Variants in KCNQ3 observed in about 807,000 individuals in gnomAD.
KCNQ3 encodes potassium voltage-gated channel subfamily KQT member 3.
A neutral mutation model predicts 92.5 loss-of-function variants in KCNQ3; 30 were observed. That is an observed-to-expected ratio of 0.32 (90% CI 0.24 to 0.44). KCNQ3 has a LOEUF of 0.44. Ranked by LOEUF, KCNQ3 falls within the 20% of genes least tolerant of loss-of-function variation. The pLI, the probability that KCNQ3 is intolerant of heterozygous loss-of-function variation, is 1.00. For synonymous variants in KCNQ3, 450 were observed against 468.8 expected (o/e 0.96, Z 0.52); for missense variants, 913 against 1,140.3 (o/e 0.80, Z 2.87).
chr8:132,354,683 C>G (rs1168798579), intron 1 of KCNQ3, among the ~76,000 whole-genome samples: 1 of 152,232 alleles, frequency 6.6e-6, no homozygotes, highest in Non-Finnish European at 1.5e-5. Flanking sequence ...GTTATTGCCT[C>G]TAAGATGTTC....
At chr8:132,225,377 G>T (rs980734720) in intron 1 of KCNQ3, among the ~76,000 whole-genome samples, 2 of 152,182 alleles carry the variant, frequency 1.3e-5, no homozygotes, top group Admixed American at 1.3e-4. Context: ...GTGAGAAGGA[G>T]ATTGTGGCTG....
intron 8 of KCNQ3, among the ~76,000 whole-genome samples, chr8:132,164,863 C>T (rs903613654): frequency 1.8e-4 from 27 of 152,096 alleles, no homozygotes; most frequent in African/African-American, 6.3e-4. Flanking sequence ...CCACCTTCCT[C>T]CCAGCTGATG....
chr8:132,313,437 A>G (rs1817652584), intron 1 of KCNQ3, among the ~76,000 whole-genome samples: 1 of 152,214 alleles, frequency 6.6e-6, no homozygotes, highest in Non-Finnish European at 1.5e-5. Context: ...ATGTTACCAT[A>G]TGGATTGTGG....
chr8:132,439,118 A>AT (rs1378489258), intron 1 of KCNQ3, among the ~76,000 whole-genome samples: 2 of 150,792 alleles, frequency 1.3e-5, no homozygotes, highest in East Asian at 3.9e-4. Context: ...TGCCGAACCA[A>AT]TTTTTTCATC....
chr8:132,300,260 G>T (rs1817174185), intron 1 of KCNQ3, among the ~76,000 whole-genome samples: 1 of 152,100 alleles, frequency 6.6e-6, no homozygotes, highest in African/African-American at 2.4e-5. Context: ...TTTCCCTCCT[G>T]CAAGGGAAAG....
chr8:132,217,857 C>G (rs1814093305), intron 1 of KCNQ3, among the ~76,000 whole-genome samples: 1 of 152,064 alleles, frequency 6.6e-6, no homozygotes. Context: ...CTGGCCAGGC[C>G]TACTTCAATA....
At chr8:132,278,465 A>T (rs1204776639) in intron 1 of KCNQ3, among the ~76,000 whole-genome samples, 1 of 152,176 alleles carries the variant, frequency 6.6e-6, no homozygotes, top group African/African-American at 2.4e-5. Context: ...GGGCAGTAAG[A>T]CCAACTCTCA....
intron 1 of KCNQ3, among the ~76,000 whole-genome samples, chr8:132,308,795 G>A (rs1007184280): frequency 7.2e-5 from 11 of 152,196 alleles, no homozygotes; most frequent in Non-Finnish European, 1.5e-4. Context: ...GAGATACTGA[G>A]GATCAGAGGG....
intron 1 of KCNQ3, among the ~76,000 whole-genome samples, chr8:132,293,339 A>C (rs1384603179): frequency 6.6e-6 from 1 of 152,062 alleles, no homozygotes; most frequent in Non-Finnish European, 1.5e-5. Context: ...CAGTTTGAGG[A>C]CTGAGCCCCC....
intron 5 of KCNQ3, among the ~76,000 whole-genome samples, chr8:132,175,126 A>G (rs1361351660): frequency 6.6e-6 from 1 of 152,250 alleles, no homozygotes; most frequent in Admixed American, 6.5e-5. Context: ...GTGTGAGCAC[A>G]CATGTGTATC....
At chr8:132,361,550 A>G (rs1306112049) in intron 1 of KCNQ3, among the ~76,000 whole-genome samples, 1 of 152,216 alleles carries the variant, frequency 6.6e-6, no homozygotes, top group Non-Finnish European at 1.5e-5. Context: ...TGTTTGTGAG[A>G]AATCTTCCTC....
intron 1 of KCNQ3, among the ~76,000 whole-genome samples, chr8:132,371,301 T>C (rs2130738158): frequency 6.6e-6 from 1 of 152,330 alleles, no homozygotes; most frequent in East Asian, 1.9e-4. Flanking sequence ...GTTGGGCCTA[T>C]GTCTTCCTCT....
At chr8:132,390,875 T>A (rs1339345505) in intron 1 of KCNQ3, among the ~76,000 whole-genome samples, 1 of 152,110 alleles carries the variant, frequency 6.6e-6, no homozygotes, top group Non-Finnish European at 1.5e-5. Flanking sequence ...ATGGAAGGGG[T>A]CAACACAATT....
chr8:132,467,875 C>A lies in KCNQ3; in HGVS notation c.386+12272G>T, dbSNP rs146863310. On this transcript the variant is annotated intron_variant, in intron 1 of 14. Coordinates refer to ENST00000388996, the MANE Select transcript of KCNQ3 (RefSeq NM_004519.4). ...TGATGGCACACTGCTGTTGGAGGCA[C>A]GTGGGGAGGCCAGTGTGGCTGAATG... 3.9e-5 allele frequency among the ~76,000 whole-genome samples: 6 copies of A among 152,286 alleles called. No homozygotes were observed. The South Asian group carries it at 8.3e-4, about 21-fold the overall frequency.
chr8:132,455,890 C>T (rs1472128498), intron 1 of KCNQ3, among the ~76,000 whole-genome samples: 3 of 152,078 alleles, frequency 2.0e-5, no homozygotes, highest in Admixed American at 2.0e-4. Context: ...TACAGGCACC[C>T]ACCACCAAGC....
chr8:132,458,157 C>T (rs72721095), intron 1 of KCNQ3, among the ~76,000 whole-genome samples: 4,572 of 152,294 alleles, frequency 0.03, 74 homozygotes, highest in African/African-American at 0.054. Flanking sequence ...ACCCTTGGCC[C>T]AACATGACCT....
At chr8:132,354,893 GT>G (rs913642431) in intron 1 of KCNQ3, among the ~76,000 whole-genome samples, 3 of 152,088 alleles carry the variant, frequency 2.0e-5, no homozygotes, top group Non-Finnish European at 4.4e-5. Context: ...ACAGCCACTG[GT>G]TCTGGGGATG....
At chr8:132,191,223 T>G (rs1169902825) in intron 1 of KCNQ3, among the ~76,000 whole-genome samples, 1 of 152,176 alleles carries the variant, frequency 6.6e-6, no homozygotes, top group East Asian at 1.9e-4. Context: ...CATAGCTCAT[T>G]GTAACCTCCA....
chr8:132,273,965 C>T (rs1468587631), intron 1 of KCNQ3, among the ~76,000 whole-genome samples: 3 of 152,212 alleles, frequency 2.0e-5, no homozygotes, highest in African/African-American at 7.2e-5. Context: ...CAACAAGTCT[C>T]TAGGCAGTTC....
Sources: gnomAD v4.1 joint callset for allele counts (sites outside exome capture counted in the v4.1 genomes callset) on GRCh38, gnomAD v4.1.1 for gene constraint, MANE v1.5 for transcripts, NCBI Gene and HGNC (gene_info 2026-07-23, HGNC 2026-07-21) for gene names.